Variants in USP12 observed in about 807,000 individuals in gnomAD.
The protein encoded by USP12 is ubiquitin specific peptidase 12.
In USP12, 19 loss-of-function variants were observed where a neutral mutation model predicts 45.5. The ratio of observed to expected loss-of-function variants is 0.42; its 90% CI spans 0.29 to 0.61. The LOEUF (loss-of-function observed/expected upper bound fraction) is 0.61, where lower values mean the gene tolerates loss of function less well. USP12 is among the 20% of genes least tolerant of loss of function. USP12 has a pLI of 0.22. For missense variants in USP12, 242 were observed against 447.7 expected, an observed-to-expected ratio of 0.54 and a Z score of 4.15; for synonymous variants, 149 against 148.8, an observed-to-expected ratio of 1.00 and a Z score of -0.01.
intron 2 of USP12, among the ~76,000 whole-genome samples, chr13:27,114,780 A>C (rs564765393): frequency 6.6e-6 from 1 of 152,026 alleles, no homozygotes; most frequent in Non-Finnish European, 1.5e-5. Context: ...AAAAAAAAAA[A>C]AAAAACAAAC....
intron 6 of USP12, among the ~76,000 whole-genome samples, chr13:27,087,206 T>C (rs117951500): frequency 0.047 from 6,922 of 146,330 alleles, 156 homozygotes; most frequent in Admixed American, 0.078. Flanking sequence ...TAAGCTGGGT[T>C]AACAAAAGGT....
chr13:27,146,401 C>CA (rs976638160), intron 1 of USP12, among the ~76,000 whole-genome samples: 3 of 151,632 alleles, frequency 2.0e-5, no homozygotes, highest in African/African-American at 4.8e-5. Context: ...GACTCTGTCT[C>CA]AAAAAAAAGC....
chr13:27,127,297 A>C (rs1047890985), intron 1 of USP12, among the ~76,000 whole-genome samples: 3 of 152,220 alleles, frequency 2.0e-5, no homozygotes, highest in African/African-American at 7.2e-5. Context: ...CAAAAGGCTT[A>C]AAATCAGAAA....
intron 6 of USP12, among the ~76,000 whole-genome samples, chr13:27,087,130 TGA>T (rs911972214): frequency 7.4e-5 from 11 of 148,088 alleles, no homozygotes; most frequent in African/African-American, 2.5e-4. Context: ...TGTGCGTGTG[TGA>T]GAGTGTGTGT....
intron 6 of USP12, among the ~76,000 whole-genome samples, chr13:27,083,294 G>A (rs1201869554): frequency 6.6e-6 from 1 of 152,206 alleles, no homozygotes; most frequent in Admixed American, 6.5e-5. Flanking sequence ...CAGGAAATGT[G>A]CACACATGCT....
chr13:27,161,426 A>G (rs949335115), intron 1 of USP12, among the ~76,000 whole-genome samples: 1 of 152,182 alleles, frequency 6.6e-6, no homozygotes, highest in African/African-American at 2.4e-5. Context: ...GACTTATTTT[A>G]CTTGTGCCCA....
chr13:27,087,909 A>G (rs1448774583), intron 6 of USP12, among the ~76,000 whole-genome samples: 1 of 152,254 alleles, frequency 6.6e-6, no homozygotes, highest in Non-Finnish European at 1.5e-5. Context: ...TAAGATTTTA[A>G]AAGTGAATAA....
At chr13:27,167,309 TA>T (rs1431631132) in intron 1 of USP12, among the ~76,000 whole-genome samples, 1 of 151,986 alleles carries the variant, frequency 6.6e-6, no homozygotes, top group Non-Finnish European at 1.5e-5. Flanking sequence ...CTCTGGGAGG[TA>T]AAAATTGACC....
chr13:27,171,505 G>A (rs1187590731), intron 1 of USP12, 87 bp downstream of exon 1: 5 of 143,798 alleles, frequency 3.5e-5, no homozygotes, highest in Non-Finnish European at 6.2e-5. Context: ...TAGGCCCCGC[G>A]AGCGGCCACT....
At chr13:27,100,397 A>G (rs2137780734) in intron 3 of USP12, among the ~76,000 whole-genome samples, 2 of 152,184 alleles carry the variant, frequency 1.3e-5, no homozygotes, top group Admixed American at 1.3e-4. Context: ...CCCTCGCCTT[A>G]TCAACCTTTG....
chr13:27,131,415 G>T (rs1593199890), intron 1 of USP12, among the ~76,000 whole-genome samples: 1 of 152,314 alleles, frequency 6.6e-6, no homozygotes, highest in East Asian at 1.9e-4. Context: ...TAGTGAATGT[G>T]AAAGTGCTGT....
At chr13:27,146,795 G>T (rs1877328475) in intron 1 of USP12, among the ~76,000 whole-genome samples, 1 of 152,168 alleles carries the variant, frequency 6.6e-6, no homozygotes. Context: ...CTAATCTTCA[G>T]TACTTCATAA....
At chr13:27,096,793 T>C (rs1296357654) in intron 3 of USP12, among the ~76,000 whole-genome samples, 3 of 152,162 alleles carry the variant, frequency 2.0e-5, no homozygotes, top group Admixed American at 2.0e-4. Flanking sequence ...AAAAATTACC[T>C]ATTTAGGACA....
At chr13:27,070,138 C>G (rs1265937580) in intron 8 of USP12, among the ~76,000 whole-genome samples, 2 of 152,218 alleles carry the variant, frequency 1.3e-5, no homozygotes. Context: ...AAAAGAACTA[C>G]TATTACCGCA....
chr13:27,169,064 C>G (rs990062697), intron 1 of USP12: 7 of 152,166 alleles, frequency 4.6e-5, no homozygotes, highest in Admixed American at 4.6e-4. Flanking sequence ...CTTTGGAAAA[C>G]TTTTATACTG....
chr13:27,095,449 G>A (rs1874532283), intron 4 of USP12, 152 bp downstream of exon 4: 2 of 561,948 alleles, frequency 3.6e-6, no homozygotes, highest in South Asian at 6.3e-5. Context: ...TAAGAATACA[G>A]ACAGATTCCT....
At chr13:27,117,153 A>G (rs551468732) in intron 1 of USP12, among the ~76,000 whole-genome samples, 1 of 152,240 alleles carries the variant, frequency 6.6e-6, no homozygotes, top group African/African-American at 2.4e-5. Context: ...GATAATGACT[A>G]AAAATTCGTT....
intron 1 of USP12, among the ~76,000 whole-genome samples, chr13:27,166,735 T>C (rs1878361982): frequency 6.6e-6 from 1 of 152,242 alleles, no homozygotes; most frequent in African/African-American, 2.4e-5. Context: ...AAGTCTTATC[T>C]TTGTGATAAC....
chr13:27,148,465 G>A (rs1356143115), intron 1 of USP12, among the ~76,000 whole-genome samples: 2 of 151,716 alleles, frequency 1.3e-5, no homozygotes, highest in Non-Finnish European at 2.9e-5. Context: ...CACGAGGTCA[G>A]GAGTTCGAGA....
Sources: allele counts gnomAD v4.1 joint callset (sites outside exome capture counted in the v4.1 genomes callset), GRCh38; gene constraint gnomAD v4.1.1; transcripts MANE v1.5; gene names NCBI Gene and HGNC (gene_info 2026-07-23, HGNC 2026-07-21).